The following ORMDL1 variants were observed in gnomAD, a reference collection of about 807,000 sequenced individuals.
ORMDL1 encodes the protein ORMDL sphingolipid biosynthesis regulator 1.
Under a neutral mutation model 13.0 loss-of-function variants are expected in ORMDL1, and 10 were observed. The ratio of observed to expected loss-of-function variants is 0.77; its 90% CI spans 0.47 to 1.30. The LOEUF (loss-of-function observed/expected upper bound fraction) is 1.30, where lower values mean the gene tolerates loss of function less well. Ranked by LOEUF, ORMDL1 falls within the 50% of genes most tolerant of loss-of-function variation. The probability of loss-of-function intolerance (pLI) is 0.00; values close to 1 mark genes in which losing one functional copy is unlikely to be tolerated. For missense variants in ORMDL1, 171 were observed against 186.7 expected (o/e 0.92, Z 0.49); for synonymous variants, 61 against 63.9 (o/e 0.95, Z 0.22).
intron 4 of ORMDL1, 47 bp from the exon 5 acceptor site, chr2:189,771,949 T>A: frequency 7.4e-7 from 1 of 1,357,192 alleles, no homozygotes; most frequent in Non-Finnish European, 9.8e-7. Flanking sequence ...AAAAATAAAA[T>A]TACTTGGAAC....
At chr2:189,782,708 T>A (rs973886851) in intron 2 of ORMDL1, 106 bp from the exon 3 acceptor site, 2 of 1,083,244 alleles carry the variant, frequency 1.8e-6, no homozygotes, top group African/African-American at 3.1e-5. Flanking sequence ...TTTTTCCTAG[T>A]TACTTTGAAG....
chr2:189,782,433 T>G lies in ORMDL1; in HGVS notation c.163A>C (p.Ile55Leu). Residue 55 changes from isoleucine to leucine, a missense_variant, in exon 3 of 5, where the codon ATA becomes CTA. Transcript: ENST00000392349. The part of the protein sequence containing the change: ...VPVAWTLTNI[I>L]HNLGMYVFLH... ...TGTGAAATTCTTACCAGATTATGTA[T>G]AATATTTGTTAAAGTCCAAGCAACA... The G allele has an allele frequency of 6.2e-7, 1 of 1,613,208 alleles. No homozygotes were observed. Among genetic ancestry groups the G allele is most frequent in the Admixed American group, 1.7e-5 (1 of 59,966 alleles).
rs775901706 is a variant in ORMDL1, at chr2:189,771,873, T to C, written c.356A>G (p.Tyr119Cys). The change falls in exon 5 of 5, where the codon TAT becomes TGT. Residue 119 changes from tyrosine (Y) to cysteine (C), a missense_variant. Physicochemically the swap from Tyr to Cys is radical, Grantham distance 194 (BLOSUM62 -2). Transcript: ENST00000392349. Reference protein sequence around the residue: ...LYFLASFYTKYDPTHFILNTA... With the variant: ...LYFLASFYTKCDPTHFILNTA... Reference sequence around the variant, plus strand: ...GTTTAGGATGAAGTGAGTTGGATCATACTTCGTATAGAAACTTGCCAGAAA... The same window carrying C: ...GTTTAGGATGAAGTGAGTTGGATCACACTTCGTATAGAAACTTGCCAGAAA... 13 of 1,601,946 alleles carry C rather than the reference T, an allele frequency of 8.1e-6. No individual in the cohort carries two copies. The highest frequency in any genetic ancestry group is 6.8e-6 in the Non-Finnish European group (8 of 1,172,654).
intron 3 of ORMDL1, chr2:189,778,438 C>T: frequency 2.2e-6 from 1 of 455,928 alleles, no homozygotes; most frequent in Non-Finnish European, 4.4e-6. Flanking sequence ...TAAATACGTT[C>T]TTAGCGATAC....
the ORMDL1 span, chr2:189,763,980 C>T: frequency 6.6e-6 from 1 of 152,110 alleles, no homozygotes; most frequent in African/African-American, 2.4e-5. Context: ...TTCAAAATCC[C>T]ATGAAATAGT....
At chr2:189,778,474 C>T (rs1412989827) in intron 3 of ORMDL1, 1 of 455,588 alleles carries the variant, frequency 2.2e-6, no homozygotes, top group African/African-American at 2.0e-5. Flanking sequence ...AAGAGATAAA[C>T]TGCTAATTAT....
At chr2:189,773,458 C>A (rs2047623885) in intron 4 of ORMDL1, among the ~76,000 whole-genome samples, 1 of 152,146 alleles carries the variant, frequency 6.6e-6, no homozygotes, top group Admixed American at 6.5e-5. Context: ...TATGGTGGCT[C>A]ACCCTGTAAT....
At chr2:189,778,882 G>A (rs999215771) in intron 3 of ORMDL1, among the ~76,000 whole-genome samples, 6 of 152,062 alleles carry the variant, frequency 3.9e-5, no homozygotes, top group African/African-American at 1.4e-4. Context: ...ATGACACAGA[G>A]AGACTCCATC....
At chr2:189,775,527 T>C (rs2289406) in intron 4 of ORMDL1, 38 bp downstream of exon 4, 2 of 1,530,312 alleles carry the variant, frequency 1.3e-6, no homozygotes, top group East Asian at 2.4e-5. Flanking sequence ...CTTCCTCTTA[T>C]CCAATCCTCC....
At chr2:189,782,305 C>T in intron 3 of ORMDL1, 117 bp downstream of exon 3, 3 of 930,798 alleles carry the variant, frequency 3.2e-6, no homozygotes, top group South Asian at 1.8e-5. Context: ...CTTCATCTTG[C>T]AAAACCAAAA....
chr2:189,781,242 A>G (rs545104025), intron 3 of ORMDL1, among the ~76,000 whole-genome samples: 2 of 152,272 alleles, frequency 1.3e-5, no homozygotes, highest in Admixed American at 6.5e-5. Flanking sequence ...ATTAATTTTT[A>G]AAAATCAATT....
At chr2:189,782,013 G>A (rs1341150647) in intron 3 of ORMDL1, among the ~76,000 whole-genome samples, 1 of 151,482 alleles carries the variant, frequency 6.6e-6, no homozygotes, top group Non-Finnish European at 1.5e-5. Flanking sequence ...AATGATCTCG[G>A]CTCATTGCAA....
At chr2:189,766,692 C>G (rs909940539), downstream of ORMDL1, among the ~76,000 whole-genome samples, 2 of 151,418 alleles carry the variant, frequency 1.3e-5, no homozygotes, top group Non-Finnish European at 2.9e-5. Flanking sequence ...CCACTGCACT[C>G]CAGCCTAGGC....
chr2:189,781,592 A>C (rs890923888), intron 3 of ORMDL1, among the ~76,000 whole-genome samples: 3 of 152,148 alleles, frequency 2.0e-5, no homozygotes, highest in African/African-American at 7.2e-5. Context: ...GAAACAGTGA[A>C]GTATACTTAC....
intron 3 of ORMDL1, chr2:189,778,221 C>G (rs1305402077): frequency 1.5e-5 from 6 of 402,946 alleles, no homozygotes; most frequent in South Asian, 5.4e-5. Context: ...ATGGTGAAAC[C>G]CTGTCTGTAC....
the ORMDL1 span, chr2:189,764,504 G>A: frequency 1.3e-5 from 2 of 152,254 alleles, no homozygotes; most frequent in South Asian, 2.1e-4. Context: ...TCCCTTGACC[G>A]AATATATGTA....
At position 189,776,285 on chromosome 2, in the gene ORMDL1, T is replaced by C. The variant is rs1271668247; in HGVS notation, c.175-569A>G. 3.9e-5 allele frequency among the ~76,000 whole-genome samples: 6 copies of C among 152,328 alleles called. No individual in the cohort carries two copies. The South Asian group carries it at 6.2e-4, about 16-fold the overall frequency. On this transcript the variant is annotated intron_variant, in intron 3 of 4. Coordinates refer to ENST00000392349, the MANE Select transcript of ORMDL1 (RefSeq NM_016467.5). Reference sequence around the variant, plus strand: ...TATAATGTTCCACTCAATTCCCTTTTTAAATCGCTATTGTGCCTCAATAGC... The same window carrying C: ...TATAATGTTCCACTCAATTCCCTTTCTAAATCGCTATTGTGCCTCAATAGC...
rs374446059 is a variant in ORMDL1, at chr2:189,770,772, A to T, written c.*995T>A. 9.2e-5 allele frequency: 14 copies of T among 152,298 alleles called. No homozygotes were observed. In the East Asian group the frequency reaches 9.6e-4, roughly 10 times the overall value. 9.4% of individuals were successfully genotyped at this position (152,298 alleles called of 1,614,324 possible). ...AAGGCAAAATATGGGGGTTGAGAGCAGGAGGACTAAGAAAAGAAAATGTTA... is the reference window on the plus strand; with the variant it reads ...AAGGCAAAATATGGGGGTTGAGAGCTGGAGGACTAAGAAAAGAAAATGTTA... On this transcript the variant is annotated 3_prime_UTR_variant, in exon 5 of 5. Transcript: ENST00000392349.
intron 4 of ORMDL1, among the ~76,000 whole-genome samples, chr2:189,772,487 T>C (rs796919549): frequency 4.6e-5 from 7 of 152,354 alleles, no homozygotes; most frequent in African/African-American, 1.4e-4. Flanking sequence ...AGCTGCTTTT[T>C]AATAATCAAA....
Sources: allele counts gnomAD v4.1 joint callset (sites outside exome capture counted in the v4.1 genomes callset), GRCh38; gene constraint gnomAD v4.1.1; transcripts MANE v1.5; gene names NCBI Gene and HGNC (gene_info 2026-07-23, HGNC 2026-07-21).